Variants in ZNF512 observed in about 807,000 individuals in gnomAD.
ZNF512 encodes the protein zinc finger protein 512.
In ZNF512, 25 loss-of-function variants were observed where a neutral mutation model predicts 77.5. The ratio of observed to expected loss-of-function variants is 0.32; its 90% confidence interval spans 0.23 to 0.45. ZNF512 has a LOEUF of 0.45. Among genes scored for constraint, ZNF512 ranks in the 20% least tolerant of loss-of-function variants. The pLI, the probability that ZNF512 is intolerant of heterozygous loss-of-function variation, is 1.00. For missense variants in ZNF512, 483 were observed against 692.6 expected, an observed-to-expected ratio of 0.70 and a Z score of 3.40; for synonymous variants, 246 against 239.9, an observed-to-expected ratio of 1.03 and a Z score of -0.24.
intron 10 of ZNF512, among the ~76,000 whole-genome samples, chr2:27,610,544 G>GTGTGTATATATA: frequency 3.7e-3 from 121 of 32,654 alleles, no homozygotes; most frequent in East Asian, 6.4e-3. Context: ...ATATGTGTGT[G>GTGTGTATATATA]TATATATATA....
intron 10 of ZNF512, among the ~76,000 whole-genome samples, chr2:27,613,518 A>G (rs1672753883): frequency 6.6e-6 from 1 of 151,876 alleles, no homozygotes; most frequent in South Asian, 2.1e-4. Flanking sequence ...AAATTTATAT[A>G]TATATACAGT....
intron 10 of ZNF512, among the ~76,000 whole-genome samples, chr2:27,613,914 CAT>C (rs1257426196): frequency 3.3e-5 from 5 of 151,618 alleles, no homozygotes; most frequent in Admixed American, 6.6e-5. Context: ...AAATATGTAT[CAT>C]ATATGATACA....
intron 13 of ZNF512, among the ~76,000 whole-genome samples, chr2:27,617,924 A>G (rs948103788): frequency 7.0e-6 from 1 of 142,632 alleles, no homozygotes; most frequent in Non-Finnish European, 1.5e-5. Flanking sequence ...AAAAAAAATC[A>G]CTGTGACTGT....
intron 10 of ZNF512, among the ~76,000 whole-genome samples, chr2:27,610,536 A>G (rs1378434811): frequency 7.4e-4 from 48 of 65,116 alleles, no homozygotes; most frequent in African/African-American, 1.5e-3. Context: ...GTGTATATAT[A>G]TGTGTGTGTA....
chr2:27,604,051 C>T (rs1043107087), intron 9 of ZNF512, among the ~76,000 whole-genome samples: 3 of 152,090 alleles, frequency 2.0e-5, no homozygotes, highest in Admixed American at 6.6e-5. Context: ...TTCAGCTTCC[C>T]GAGTAGCTGG....
chr2:27,584,156 C>G (rs1671232667), intron 2 of ZNF512, among the ~76,000 whole-genome samples: 1 of 151,502 alleles, frequency 6.6e-6, no homozygotes, highest in African/African-American at 2.4e-5. Context: ...AGGTCTAAGT[C>G]TAGTGTGTGG....
At chr2:27,612,000 T>G (rs576316383) in intron 10 of ZNF512, among the ~76,000 whole-genome samples, 1 of 152,198 alleles carries the variant, frequency 6.6e-6, no homozygotes, top group Non-Finnish European at 1.5e-5. Flanking sequence ...GTAACAGTTA[T>G]GCCTGTGATG....
chr2:27,604,013 G>A (rs993427902), intron 9 of ZNF512, among the ~76,000 whole-genome samples: 2 of 152,004 alleles, frequency 1.3e-5, no homozygotes, highest in South Asian at 2.1e-4. Flanking sequence ...TGTGACCTCC[G>A]CCTCCTGGGT....
At chr2:27,597,918 A>G in intron 2 of ZNF512, 149 bp from the exon 3 acceptor site, 1 of 531,868 alleles carries the variant, frequency 1.9e-6, no homozygotes, top group Non-Finnish European at 3.3e-6. Flanking sequence ...AACTATTGTT[A>G]TTGTTAGGTG....
Position 27,603,300 on chromosome 2 carries a change from A to G in ZNF512, c.929A>G (p.His310Arg). The G allele has an allele frequency of 6.2e-7, 1 of 1,613,824 alleles. No individual in the cohort carries two copies. Among genetic ancestry groups the G allele is most frequent in the Non-Finnish European group, 8.5e-7 (1 of 1,179,864 alleles). ...AGLAYHLRSE[H>R]GPISFFPESG... ...CTTGCATATCACCTGAGGTCAGAGC[A>G]TGGGCCTGTGAGTACTGATTCCTTT... Residue 310 changes from histidine (H) to arginine (R), a missense_variant, in exon 9 of 14, where the codon CAT (histidine) becomes CGT (arginine). Physicochemically the swap from His to Arg is conservative, Grantham distance 29 (BLOSUM62 0). Transcript: ENST00000355467.
intron 2 of ZNF512, 41 bp downstream of exon 2, chr2:27,583,757 C>A (rs946990483): frequency 1.2e-6 from 2 of 1,603,020 alleles, no homozygotes; most frequent in African/African-American, 2.7e-5. Flanking sequence ...ATTGTGTCAC[C>A]AGCGCTGACC....
intron 10 of ZNF512, among the ~76,000 whole-genome samples, chr2:27,613,404 G>T (rs1672747813): frequency 6.6e-6 from 1 of 151,802 alleles, no homozygotes; most frequent in South Asian, 2.1e-4. Context: ...GCTGAGACAG[G>T]AGAATAGCTT....
chr2:27,615,734 G>A (rs552298410), intron 11 of ZNF512, among the ~76,000 whole-genome samples: 1 of 152,162 alleles, frequency 6.6e-6, no homozygotes, highest in South Asian at 2.1e-4. Flanking sequence ...GGAATCATGG[G>A]ACTAACCCAG....
At chr2:27,590,044 G>C (rs979141007) in intron 2 of ZNF512, among the ~76,000 whole-genome samples, 6 of 152,208 alleles carry the variant, frequency 3.9e-5, no homozygotes, top group Non-Finnish European at 7.3e-5. Flanking sequence ...GTTAGATGTA[G>C]TGTTGTGTAA....
intron 10 of ZNF512, among the ~76,000 whole-genome samples, chr2:27,614,852 A>G (rs1055881937): frequency 1.3e-5 from 2 of 151,528 alleles, no homozygotes; most frequent in Non-Finnish European, 2.9e-5. Context: ...ATTAGAACCT[A>G]TGAATCTTTC....
In ZNF512 at chr2:27,615,247, A is replaced by G; in HGVS notation, c.1211A>G (p.His404Arg). 5 of 1,603,794 alleles carry G rather than the reference A, an allele frequency of 3.1e-6. No individual in the cohort carries two copies. The highest frequency in any genetic ancestry group is 2.3e-5 in the East Asian group (1 of 44,206). The change falls in exon 11 of 14, where the codon CAT (histidine) becomes CGT (arginine). Residue 404 changes from histidine (H) to arginine (R), a missense_variant. Transcript: ENST00000355467. ...TGGAAGACAGATATCAAGAAATATCATCGTATTCAGTGTCCTAACCAGGTG... is the reference window on the plus strand; with the variant it reads ...TGGAAGACAGATATCAAGAAATATCGTCGTATTCAGTGTCCTAACCAGGTG... ...HKWKTDIKKY[H>R]RIQCPNQGCE...
At chr2:27,588,926 G>A (rs1671453206) in intron 2 of ZNF512, among the ~76,000 whole-genome samples, 1 of 152,068 alleles carries the variant, frequency 6.6e-6, no homozygotes, top group South Asian at 2.1e-4. Flanking sequence ...TAAAAGTCTG[G>A]AACGTCTTTT....
chr2:27,609,602 C>T (rs1337769006), intron 10 of ZNF512, among the ~76,000 whole-genome samples: 5 of 152,180 alleles, frequency 3.3e-5, no homozygotes, highest in African/African-American at 4.8e-5. Flanking sequence ...GGCACAGTGG[C>T]TCACACCTGT....
intron 2 of ZNF512, among the ~76,000 whole-genome samples, chr2:27,595,733 T>G (rs1671837720): frequency 6.6e-6 from 1 of 152,250 alleles, no homozygotes; most frequent in African/African-American, 2.4e-5. Context: ...AGATGTTGTA[T>G]TTTTCAGTTC....
Sources: allele counts gnomAD v4.1 joint callset (sites outside exome capture counted in the v4.1 genomes callset), GRCh38; gene constraint gnomAD v4.1.1; transcripts MANE v1.5; gene names NCBI Gene and HGNC (gene_info 2026-07-23, HGNC 2026-07-21).